The following COTL1 variants were observed in gnomAD, a reference collection of about 807,000 sequenced individuals.
COTL1 encodes coactosin like F-actin binding protein 1.
COTL1 carries 15 observed loss-of-function variants against 16.5 expected under a neutral mutation model. The ratio of observed to expected loss-of-function variants is 0.91; its 90% CI spans 0.61 to 1.40. The LOEUF (loss-of-function observed/expected upper bound fraction) is 1.40, where lower values mean the gene tolerates loss of function less well. Among genes scored for constraint, COTL1 ranks in the 40% most tolerant of loss-of-function variants. The pLI, the probability that COTL1 is intolerant of heterozygous loss-of-function variation, is 0.00. For synonymous variants in COTL1, 112 were observed against 85.3 expected (o/e 1.31, Z -1.73); for missense variants, 220 against 201.5 (o/e 1.09, Z -0.56).
chr16:84,605,973 C>A (rs1004467730), intron 2 of COTL1, among the ~76,000 whole-genome samples: 2 of 152,154 alleles, frequency 1.3e-5, no homozygotes, highest in African/African-American at 4.8e-5. Context: ...GGAAGCTTAC[C>A]TAAGTACCTA....
intron 3 of COTL1, among the ~76,000 whole-genome samples, chr16:84,578,780 TAC>T (rs200622387): frequency 1.4e-5 from 2 of 147,924 alleles, no homozygotes; most frequent in African/African-American, 2.5e-5. Flanking sequence ...TGTGCAGACA[TAC>T]ACACACAGAC....
chr16:84,577,914 T>C (rs1342695729), intron 3 of COTL1, among the ~76,000 whole-genome samples: 1 of 152,226 alleles, frequency 6.6e-6, no homozygotes, highest in East Asian at 1.9e-4. Flanking sequence ...TTTGGGCAAC[T>C]GCCTGGAGTC....
At chr16:84,617,647 G>T (rs931116360) in intron 1 of COTL1, 64 bp from the exon 2 acceptor site, 1 of 1,490,378 alleles carries the variant, frequency 6.7e-7, no homozygotes. Context: ...GCGACGCGGC[G>T]CTTGCAGAGG....
At position 84,613,986 on chromosome 16, in the gene COTL1, T is replaced by G. The variant is rs375699731; in HGVS notation, c.160+3515A>C. The stretch of plus-strand genomic sequence containing the variant: ...GGCTTGCTCCGTCTTTCCACCAAGA[T>G]GGCTCTGCCCAGGGGCTAAACCTCC... On this transcript the variant is annotated intron_variant, in intron 2 of 3. Transcript: ENST00000262428. 6.6e-5 allele frequency among the ~76,000 whole-genome samples: 10 copies of G among 152,160 alleles called. No homozygotes were observed. The East Asian group carries it at 1.9e-3, about 29-fold the overall frequency.
At chr16:84,605,188 C>T (rs1905187715) in intron 2 of COTL1, among the ~76,000 whole-genome samples, 1 of 152,220 alleles carries the variant, frequency 6.6e-6, no homozygotes. Flanking sequence ...CACAGAAGAG[C>T]CTCCCGTGGT....
chr16:84,598,324 G>A (rs1238138181), intron 2 of COTL1, among the ~76,000 whole-genome samples: 2 of 152,196 alleles, frequency 1.3e-5, no homozygotes, highest in Non-Finnish European at 2.9e-5. Flanking sequence ...CTCCTGCAAA[G>A]GACCCGTGGG....
intron 3 of COTL1, among the ~76,000 whole-genome samples, chr16:84,573,616 A>C (rs903737573): frequency 1.3e-5 from 2 of 152,080 alleles, no homozygotes; most frequent in Non-Finnish European, 2.9e-5. Flanking sequence ...CTCTACTAAA[A>C]ATACAAAGAA....
chr16:84,572,509 G>A (rs1597166699), intron 3 of COTL1, among the ~76,000 whole-genome samples: 1 of 152,124 alleles, frequency 6.6e-6, no homozygotes, highest in Non-Finnish European at 1.5e-5. Flanking sequence ...CACCCAAGCT[G>A]GCGTGCAGTG....
chr16:84,610,162 G>C (rs1363575167), intron 2 of COTL1, among the ~76,000 whole-genome samples: 1 of 152,214 alleles, frequency 6.6e-6, no homozygotes, highest in Non-Finnish European at 1.5e-5. Context: ...TCACATGAGA[G>C]GCTTTAAATT....
rs866077334 is a variant in COTL1 at position 84,609,002 on chromosome 16, C to T, written c.160+8499G>A. ...ATGCATTAACGGACAGACTGTTCAGCACTTTATAACTGCCCAAAGCCCTGT... is the reference window on the plus strand; with the variant it reads ...ATGCATTAACGGACAGACTGTTCAGTACTTTATAACTGCCCAAAGCCCTGT... On this transcript the variant is annotated intron_variant, in intron 2 of 3. Coordinates refer to ENST00000262428, the MANE Select transcript of COTL1 (RefSeq NM_021149.5). Among the ~76,000 whole-genome samples the T allele has an allele frequency of 5.9e-5, 9 of 152,300 alleles. No individual in the cohort carries two copies. The South Asian group carries it at 1.7e-3, about 28-fold the overall frequency.
intron 2 of COTL1, among the ~76,000 whole-genome samples, chr16:84,613,514 T>C (rs1464293204): frequency 2.0e-5 from 3 of 151,826 alleles, no homozygotes; most frequent in South Asian, 2.1e-4. Flanking sequence ...AGAGAGGAGA[T>C]ATGGGTGGGG....
intron 2 of COTL1, among the ~76,000 whole-genome samples, chr16:84,593,856 G>A (rs1904933655): frequency 1.3e-5 from 2 of 152,132 alleles, no homozygotes; most frequent in Non-Finnish European, 2.9e-5. Flanking sequence ...ACAATGTTGT[G>A]CCATCATCGC....
chr16:84,583,449 T>G (rs1053569959), intron 3 of COTL1, among the ~76,000 whole-genome samples: 6 of 152,136 alleles, frequency 3.9e-5, no homozygotes, highest in Non-Finnish European at 7.4e-5. Flanking sequence ...CTGGGGTTTA[T>G]TTTTATTTAT....
chr16:84,613,302 G>A (rs536244018), intron 2 of COTL1, among the ~76,000 whole-genome samples: 2 of 152,222 alleles, frequency 1.3e-5, no homozygotes, highest in African/African-American at 2.4e-5. Flanking sequence ...GCCCGGACTA[G>A]AGTGTTTCTG....
At chr16:84,583,902 C>T (rs1346783933) in intron 3 of COTL1, among the ~76,000 whole-genome samples, 1 of 152,128 alleles carries the variant, frequency 6.6e-6, no homozygotes, top group African/African-American at 2.4e-5. Flanking sequence ...GAGCTGCATG[C>T]CTTCTGGATT....
chr16:84,590,050 C>A lies in COTL1; in HGVS notation c.318+55G>T. ...TCGAACCCAGCCCTCTCCCTCCTTG[C>A]AGGATGGTGACCCTTGGCGAGCTTT... On this transcript the variant is annotated intron_variant, in intron 3 of 3. Coordinates refer to ENST00000262428, the MANE Select transcript of COTL1 (RefSeq NM_021149.5). This position sits in a 1 kb window ranked among gnomAD's most constrained non-coding sequence, Gnocchi z 5.5. 3 of 1,557,432 alleles carry A rather than the reference C, an allele frequency of 1.9e-6. No homozygotes were observed. The highest frequency in any genetic ancestry group is 2.3e-5 in the East Asian group (1 of 43,980).
intron 3 of COTL1, among the ~76,000 whole-genome samples, chr16:84,571,503 G>A (rs1047676788): frequency 5.3e-5 from 8 of 152,060 alleles, no homozygotes; most frequent in African/African-American, 1.9e-4. Context: ...ACCTGGGTCC[G>A]CTCATCTCTC....
intron 3 of COTL1, chr16:84,576,627 AAAG>A (rs1904459223): frequency 6.6e-6 from 1 of 152,196 alleles, no homozygotes; most frequent in Admixed American, 6.5e-5. Context: ...CACCTCTGTG[AAAG>A]AAGAAGGCTG....
At chr16:84,595,398 T>C (rs1415967537) in intron 2 of COTL1, 1 of 152,230 alleles carries the variant, frequency 6.6e-6, no homozygotes, top group African/African-American at 2.4e-5. Context: ...AACCTGTTGG[T>C]CTGCGCACCG....
Sources: allele counts gnomAD v4.1 joint callset (sites outside exome capture counted in the v4.1 genomes callset), GRCh38; gene constraint gnomAD v4.1.1; non-coding constraint Gnocchi (gnomAD v3.1); transcripts MANE v1.5; gene names NCBI Gene and HGNC (gene_info 2026-07-23, HGNC 2026-07-21).